TTC3: variants seen among roughly 807,000 people sequenced by gnomAD.
The protein encoded by TTC3 is tetratricopeptide repeat domain 3, also known as E3 ubiquitin-protein ligase TTC3.
In TTC3, 180 loss-of-function variants were observed where a neutral mutation model predicts 249.6. The observed-to-expected ratio is 0.72, with a 90% CI of 0.64 to 0.82. The LOEUF is 0.82. Ranked by LOEUF, TTC3 falls within the 40% of genes least tolerant of loss-of-function variation. TTC3 has a pLI of 0.00. For missense variants in TTC3, 2,061 were observed against 2,398.4 expected, an observed-to-expected ratio of 0.86 and a Z score of 2.94; for synonymous variants, 717 against 805.0, an observed-to-expected ratio of 0.89 and a Z score of 1.85.
At chr21:37,190,396 A>C (rs911931286) in intron 39 of TTC3, among the ~76,000 whole-genome samples, 10 of 152,040 alleles carry the variant, frequency 6.6e-5, no homozygotes, top group African/African-American at 2.4e-4. Context: ...GGCCTCCCAA[A>C]GTGCTGGGAT....
At chr21:37,121,521 C>A (rs1180296419) in intron 11 of TTC3, among the ~76,000 whole-genome samples, 4 of 152,162 alleles carry the variant, frequency 2.6e-5, no homozygotes, top group African/African-American at 9.7e-5. Context: ...TTATTATATT[C>A]TCTGTTAGCA....
chr21:37,128,149 A>G (rs914545573), intron 15 of TTC3, among the ~76,000 whole-genome samples: 2 of 152,198 alleles, frequency 1.3e-5, no homozygotes, highest in Non-Finnish European at 2.9e-5. Flanking sequence ...TGAGGCCACC[A>G]AAGCCCAGGC....
At chr21:37,164,297 GT>G in intron 32 of TTC3, 82 bp downstream of exon 32, 1 of 1,209,538 alleles carries the variant, frequency 8.3e-7, no homozygotes, top group Non-Finnish European at 1.1e-6. Flanking sequence ...ATTTGTGCCT[GT>G]TTTTAGAGAT....
In TTC3 at chr21:37,172,579, T is replaced by C. The variant is rs779783167; in HGVS notation, c.4468-16T>C. ...TTAAATGATTTTTAATAGATTGTTTTGTAATTCACTTTTAGGGGGAAATTT... is the reference window on the plus strand; with the variant it reads ...TTAAATGATTTTTAATAGATTGTTTCGTAATTCACTTTTAGGGGGAAATTT... On this transcript the variant is annotated splice_polypyrimidine_tract_variant and intron_variant, in intron 34 of 45. Coordinates refer to ENST00000355666, the Ensembl canonical transcript of TTC3. The C allele has an allele frequency of 6.2e-7, 1 of 1,604,260 alleles. No individual in the cohort carries two copies. The highest frequency in any genetic ancestry group is 8.5e-7 in the Non-Finnish European group (1 of 1,177,436).
chr21:37,114,997 A>G (rs2076006475), intron 11 of TTC3, among the ~76,000 whole-genome samples: 1 of 151,930 alleles, frequency 6.6e-6, no homozygotes, highest in Non-Finnish European at 1.5e-5. Context: ...GCACATGGAC[A>G]CAGGAAGGGG....
intron 4 of TTC3, 40 bp from the exon 5 acceptor site, chr21:37,088,759 A>G (rs1430103109): frequency 2.6e-6 from 4 of 1,547,330 alleles, no homozygotes; most frequent in East Asian, 2.3e-5. Context: ...ATTTGTATAT[A>G]TGAGAATCTA....
intron 44 of TTC3, among the ~76,000 whole-genome samples, chr21:37,198,856 T>C (rs1361254036): frequency 6.6e-6 from 1 of 152,214 alleles, no homozygotes; most frequent in Admixed American, 6.5e-5. Context: ...TTCCATTTTT[T>C]TTTTTATTGT....
intron 1 of TTC3, among the ~76,000 whole-genome samples, chr21:37,084,736 T>C (rs1229821041): frequency 2.6e-5 from 4 of 152,242 alleles, no homozygotes; most frequent in Non-Finnish European, 5.9e-5. Flanking sequence ...GGCTCACGCC[T>C]GTAATCCCAG....
chr21:37,121,733 T>C (rs2076600393), intron 11 of TTC3, 84 bp from the exon 12 acceptor site: 1 of 1,327,456 alleles, frequency 7.5e-7, no homozygotes, highest in Non-Finnish European at 1.0e-6. Context: ...TGAATCAGTT[T>C]TCAAGCAAAA....
At chr21:37,164,105 A>C (rs752249382) in exon 32 of TTC3, 2 of 1,613,280 alleles carry the variant, frequency 1.2e-6, no homozygotes, top group Non-Finnish European at 1.7e-6. Context: ...ATCTTCGGCA[A>C]GATGTAGAAG....
chr21:37,122,437 TTATATA>T (rs1555879562), intron 12 of TTC3, among the ~76,000 whole-genome samples: 2 of 28,550 alleles, frequency 7.0e-5, no homozygotes, highest in Non-Finnish European at 2.0e-4. Context: ...TATATATATA[TTATATA>T]TATATATATA....
At position 37,198,849 on chromosome 21, in the gene TTC3, C is replaced by T. The variant is rs2298327; in HGVS notation, c.5850+824C>T. ...GGGGCTGAATGTTTTGGTTGTTTTC[C>T]ATTTTTTTTTTTATTGTGGTTGTCC... On this transcript the variant is annotated intron_variant, in intron 44 of 45. Coordinates refer to ENST00000355666, the Ensembl canonical transcript of TTC3. Among the ~76,000 whole-genome samples, 41 of 106,196 alleles carry T rather than the reference C, an allele frequency of 3.9e-4. 1 individual carries two copies. In the East Asian group the frequency reaches 0.011, roughly 29 times the overall value. The allele number at this position is 106,196 out of a possible 152,430, so 69.7% of individuals were successfully genotyped here.
chr21:37,124,838 G>C, intron 14 of TTC3, 96 bp downstream of exon 14: 1 of 1,305,346 alleles, frequency 7.7e-7, no homozygotes, highest in Admixed American at 2.3e-5. Flanking sequence ...AATTTTTGGC[G>C]ATTTGAACCC....
chr21:37,196,481 C>A (rs1033148895), intron 42 of TTC3, among the ~76,000 whole-genome samples: 2 of 152,152 alleles, frequency 1.3e-5, no homozygotes, highest in Non-Finnish European at 2.9e-5. Flanking sequence ...AAGTGATTCA[C>A]CCGCCTTGGC....
At chr21:37,104,734 A>G (rs2147778474) in intron 10 of TTC3, among the ~76,000 whole-genome samples, 1 of 152,282 alleles carries the variant, frequency 6.6e-6, no homozygotes, top group South Asian at 2.1e-4. Context: ...CATGATTTGA[A>G]GTTGTAGATG....
chr21:37,096,876 T>A (rs1453747512), intron 10 of TTC3: 1 of 366,140 alleles, frequency 2.7e-6, no homozygotes, highest in African/African-American at 2.1e-5. Context: ...GCTTTGCATA[T>A]GTTATTTGGT....
chr21:37,105,252 G>A (rs867317874), intron 10 of TTC3, among the ~76,000 whole-genome samples: 11 of 152,160 alleles, frequency 7.2e-5, no homozygotes, highest in South Asian at 2.1e-4. Context: ...GACAGCTAGC[G>A]TAGGCAGCTT....
At chr21:37,192,587 C>G (rs1046622345) in intron 41 of TTC3, among the ~76,000 whole-genome samples, 15 of 150,286 alleles carry the variant, frequency 1.0e-4, no homozygotes, top group African/African-American at 3.7e-4. Flanking sequence ...TTGCGCACTG[C>G]TTTTGTGATT....
chr21:37,104,162 G>A (rs561300507), intron 10 of TTC3, among the ~76,000 whole-genome samples: 26 of 152,290 alleles, frequency 1.7e-4, no homozygotes, highest in African/African-American at 5.5e-4. Flanking sequence ...AGTGAAGGTG[G>A]TTGGAACTGT....
Sources: allele counts gnomAD v4.1 joint callset (sites outside exome capture counted in the v4.1 genomes callset), GRCh38; gene constraint gnomAD v4.1.1; transcripts MANE v1.5; gene names NCBI Gene and HGNC (gene_info 2026-07-23, HGNC 2026-07-21).